KALRN: variants seen among roughly 807,000 people sequenced by gnomAD.
KALRN encodes the protein kalirin.
Under a neutral mutation model 353.7 loss-of-function variants are expected in KALRN, and 70 were observed. That is an observed-to-expected ratio of 0.20 (90% CI 0.16 to 0.24). The LOEUF is 0.24. KALRN is among the 10% of genes least tolerant of loss of function. The probability of loss-of-function intolerance (pLI) is 1.00; values close to 1 mark genes in which losing one functional copy is unlikely to be tolerated. For synonymous variants in KALRN, 1,391 were observed against 1,434.8 expected (o/e 0.97, Z 0.69); for missense variants, 2,791 against 3,756.7 (o/e 0.74, Z 6.72).
chr3:124,488,225 GAAGGGA>G lies in KALRN; in HGVS notation c.4312_4317del (p.Lys1438_Gly1439del). ...CCAGGAACTTTTAACTTGCTGTGAA[GAAGGGA>G]AAGGGGAGCTCAAGGATGGCCTGGA... is the stretch of plus-strand genomic sequence containing the variant. On this transcript the variant is annotated inframe_deletion, in exon 29 of 60. Coordinates refer to ENST00000682506, the MANE Select transcript of KALRN (RefSeq NM_001388419.1). 1 of 1,613,372 alleles carries G rather than the reference GAAGGGA, an allele frequency of 6.2e-7. No individual in the cohort carries two copies. The highest frequency in any genetic ancestry group is 8.5e-7 in the Non-Finnish European group (1 of 1,179,590).
Position 124,460,615 on chromosome 3 carries a change from G to A in KALRN, c.3855-1275G>A, listed in dbSNP as rs184095150. ...ACCATGCACTAGGCATGTTGCTTACGTGATCTTGTTTAATACTTGCAGCAA... is the reference window on the plus strand; with the variant it reads ...ACCATGCACTAGGCATGTTGCTTACATGATCTTGTTTAATACTTGCAGCAA... On this transcript the variant is annotated intron_variant, in intron 23 of 59. Transcript: ENST00000682506. 2.3e-3 allele frequency among the ~76,000 whole-genome samples: 346 copies of A among 152,224 alleles called. 1 individual carries two copies. The highest frequency in any genetic ancestry group is 6.8e-3 in the South Asian group (33 of 4,824).
Position 124,050,240 on chromosome 3 carries a change from G to A in KALRN, c.73+16427G>A, listed in dbSNP as rs532099536. Among the ~76,000 whole-genome samples the A allele has an allele frequency of 8.5e-5, 13 of 152,216 alleles. No individual in the cohort carries two copies. In the Middle Eastern group the frequency reaches 0.014, roughly 159 times the overall value. On this transcript the variant is annotated intron_variant, in intron 1 of 59. Transcript: ENST00000682506. ...TTTATGTCCTACTTTTTGCCTATGC[G>A]GTCAAAGACCCTACATATGGCAGCC...
rs2332844 is a variant in KALRN at position 124,484,058 on chromosome 3, G to T, written c.4284+1158G>T. ...AGGGATAGTAGGGGACATGTTATAA[G>T]TACATTGTGTAATTTCAGAGAAAAT... On this transcript the variant is annotated intron_variant, in intron 28 of 59. Transcript: ENST00000682506. Among the ~76,000 whole-genome samples, 554 of 152,164 alleles carry T rather than the reference G, an allele frequency of 3.6e-3. 3 individuals are homozygous for T. Among genetic ancestry groups the T allele is most frequent in the African/African-American group, 0.012 (510 of 41,514 alleles).
intron 13 of KALRN, among the ~76,000 whole-genome samples, chr3:124,409,810 C>T (rs2091970903): frequency 2.6e-5 from 4 of 152,004 alleles, no homozygotes; most frequent in Admixed American, 2.0e-4. Context: ...ACAGAAAATA[C>T]TTAGGAAAGA....
At chr3:124,391,397 G>A (rs2089356525) in intron 11 of KALRN, among the ~76,000 whole-genome samples, 1 of 152,168 alleles carries the variant, frequency 6.6e-6, no homozygotes, top group Non-Finnish European at 1.5e-5. Context: ...GGTTGCTGCT[G>A]CCAAGCTACC....
intron 51 of KALRN, among the ~76,000 whole-genome samples, chr3:124,686,551 G>T (rs1444337898): frequency 6.6e-6 from 1 of 152,076 alleles, no homozygotes; most frequent in African/African-American, 2.4e-5. Flanking sequence ...TGAGGTGGGA[G>T]GTGCCTGGCA....
chr3:124,484,236 G>C (rs2062300662), intron 28 of KALRN, among the ~76,000 whole-genome samples: 1 of 152,240 alleles, frequency 6.6e-6, no homozygotes, highest in South Asian at 2.1e-4. Flanking sequence ...CCCTGGCTTA[G>C]CACTATGAGA....
chr3:124,645,921 C>T (rs895821583), intron 37 of KALRN, among the ~76,000 whole-genome samples: 1 of 152,178 alleles, frequency 6.6e-6, no homozygotes, highest in Non-Finnish European at 1.5e-5. Context: ...TTCCCACCAA[C>T]ACGTACCAGG....
chr3:124,711,838 T>G (rs2062901928), intron 57 of KALRN, among the ~76,000 whole-genome samples: 1 of 152,212 alleles, frequency 6.6e-6, no homozygotes, highest in Admixed American at 6.5e-5. Flanking sequence ...CAAAATTGAT[T>G]AAATTGTTCA....
chr3:124,609,583 C>T (rs1199253918), intron 34 of KALRN, among the ~76,000 whole-genome samples: 1 of 152,190 alleles, frequency 6.6e-6, no homozygotes, highest in African/African-American at 2.4e-5. Context: ...AGAAGAGAGA[C>T]GTGCATTCTC....
chr3:124,404,684 G>A (rs144750550), intron 13 of KALRN, among the ~76,000 whole-genome samples: 306 of 117,702 alleles, frequency 2.6e-3, no homozygotes, highest in African/African-American at 9.7e-3. Context: ...CAGTTCTTCT[G>A]CCTGTGAAAA....
chr3:124,123,199 C>CAAA (rs4048341), intron 1 of KALRN, among the ~76,000 whole-genome samples: 79,950 of 143,550 alleles, frequency 0.56, 24,372 homozygotes, highest in Non-Finnish European at 0.68. Flanking sequence ...GACTCCATCT[C>CAAA]AAAAAAAAAA....
chr3:124,066,946 T>C (rs1285244373), intron 1 of KALRN, among the ~76,000 whole-genome samples: 3 of 152,226 alleles, frequency 2.0e-5, no homozygotes, highest in African/African-American at 7.2e-5. Context: ...ATACTCTAGC[T>C]ACGTAAGCTC....
At chr3:124,529,783 T>C (rs537904670) in intron 33 of KALRN, among the ~76,000 whole-genome samples, 1 of 143,356 alleles carries the variant, frequency 7.0e-6, no homozygotes, top group African/African-American at 2.6e-5. Flanking sequence ...GAATGGAAAA[T>C]GGGAAGATGG....
chr3:124,674,318 C>T, intron 48 of KALRN, 46 bp from the exon 49 acceptor site: 1 of 1,576,808 alleles, frequency 6.3e-7, no homozygotes, highest in South Asian at 1.2e-5. Context: ...CCCATGTGAA[C>T]TAGCGTCCTT....
At chr3:124,642,394 G>A (rs1397419528) in intron 37 of KALRN, among the ~76,000 whole-genome samples, 1 of 152,178 alleles carries the variant, frequency 6.6e-6, no homozygotes, top group Non-Finnish European at 1.5e-5. Flanking sequence ...ACTGGGCTCA[G>A]GATGGCCCTA....
intron 25 of KALRN, among the ~76,000 whole-genome samples, chr3:124,469,463 T>C (rs1450845226): frequency 6.6e-6 from 1 of 152,216 alleles, no homozygotes; most frequent in Non-Finnish European, 1.5e-5. Context: ...CCTGCTCCAG[T>C]ATGCTAACCG....
At chr3:124,039,165 C>G (rs1240628349) in intron 1 of KALRN, among the ~76,000 whole-genome samples, 1 of 152,240 alleles carries the variant, frequency 6.6e-6, no homozygotes, top group Non-Finnish European at 1.5e-5. Flanking sequence ...TCCAGCCAGG[C>G]TGCTCTCCAC....
At chr3:124,281,750 C>T (rs1560451204) in intron 5 of KALRN, among the ~76,000 whole-genome samples, 1 of 152,160 alleles carries the variant, frequency 6.6e-6, no homozygotes, top group African/African-American at 2.4e-5. Flanking sequence ...ATCTCATTCC[C>T]CCAATTATAT....
Sources: allele counts gnomAD v4.1 joint callset (sites outside exome capture counted in the v4.1 genomes callset), GRCh38; gene constraint gnomAD v4.1.1; transcripts MANE v1.5; gene names NCBI Gene and HGNC (gene_info 2026-07-23, HGNC 2026-07-21).